Variants in FOXP2 observed in about 807,000 individuals in gnomAD.
FOXP2 encodes the protein forkhead box protein P2.
In FOXP2, 12 loss-of-function variants were observed where a neutral mutation model predicts 115.8. The ratio of observed to expected loss-of-function variants is 0.10; its 90% CI spans 0.07 to 0.17. The LOEUF (loss-of-function observed/expected upper bound fraction) is 0.17. FOXP2 is among the 10% of genes least tolerant of loss of function. FOXP2 has a pLI of 1.00. For missense variants in FOXP2, 629 were observed against 843.5 expected (o/e 0.75, Z 3.15); for synonymous variants, 328 against 297.7 (o/e 1.10, Z -1.05).
chr7:114,646,060 T>TAAAAAAAAAA (rs57137258), intron 8 of FOXP2, among the ~76,000 whole-genome samples: 17 of 85,648 alleles, frequency 2.0e-4, no homozygotes, highest in African/African-American at 6.0e-4. Context: ...TTTTCTTCTC[T>TAAAAAAAAAA]AAAAAAAAAA....
intron 3 of FOXP2, among the ~76,000 whole-genome samples, chr7:114,575,351 G>T (rs558169044): frequency 6.6e-6 from 1 of 151,876 alleles, no homozygotes; most frequent in East Asian, 1.9e-4. Flanking sequence ...ATATACTCTT[G>T]CTTGGATGAA....
chr7:114,447,319 G>C (rs144927878), intron 2 of FOXP2, among the ~76,000 whole-genome samples: 18 of 151,812 alleles, frequency 1.2e-4, no homozygotes, highest in Non-Finnish European at 2.4e-4. Context: ...ATCCAAATTT[G>C]GGCATGTCAT....
At chr7:114,536,002 G>T (rs963397644) in intron 3 of FOXP2, among the ~76,000 whole-genome samples, 7 of 151,506 alleles carry the variant, frequency 4.6e-5, no homozygotes, top group African/African-American at 1.5e-4. Flanking sequence ...TATAATGGGA[G>T]CGTAGGTGTA....
At chr7:114,564,099 A>G (rs1245641883) in intron 3 of FOXP2, among the ~76,000 whole-genome samples, 1 of 152,090 alleles carries the variant, frequency 6.6e-6, no homozygotes, top group African/African-American at 2.4e-5. Flanking sequence ...AAAAAACACT[A>G]CTAATTCCTG....
chr7:114,209,693 G>A (rs1794294024), intron 1 of FOXP2, among the ~76,000 whole-genome samples: 1 of 152,164 alleles, frequency 6.6e-6, no homozygotes, highest in African/African-American at 2.4e-5. Context: ...ATGTTGGCCT[G>A]TCTTGTTAGG....
chr7:114,089,574 G>T (rs1480475659), intron 1 of FOXP2, among the ~76,000 whole-genome samples: 3 of 151,802 alleles, frequency 2.0e-5, no homozygotes, highest in African/African-American at 7.3e-5. Context: ...GATATGAAGA[G>T]ATTTATGAAA....
chr7:114,155,395 T>C (rs1420859140), intron 1 of FOXP2, among the ~76,000 whole-genome samples: 1 of 152,134 alleles, frequency 6.6e-6, no homozygotes, highest in Non-Finnish European at 1.5e-5. Context: ...AATTCCAACG[T>C]GACTCTAGTA....
chr7:114,141,542 C>T (rs751975864), intron 1 of FOXP2, among the ~76,000 whole-genome samples: 3 of 152,184 alleles, frequency 2.0e-5, no homozygotes, highest in Non-Finnish European at 2.9e-5. Context: ...GCTGATGAGT[C>T]ACAGTAAGTT....
chr7:114,100,312 A>C (rs985546294), intron 1 of FOXP2, among the ~76,000 whole-genome samples: 1 of 152,134 alleles, frequency 6.6e-6, no homozygotes, highest in African/African-American at 2.4e-5. Context: ...GTTTGCTAAA[A>C]ATCCATATTT....
chr7:114,539,096 A>C (rs541889839), intron 3 of FOXP2, among the ~76,000 whole-genome samples: 1 of 152,030 alleles, frequency 6.6e-6, no homozygotes, highest in Admixed American at 6.6e-5. Flanking sequence ...CAAATTGTTA[A>C]AAATAACAAA....
intron 1 of FOXP2, among the ~76,000 whole-genome samples, chr7:114,234,839 G>A (rs563065954): frequency 6.6e-6 from 1 of 152,136 alleles, no homozygotes; most frequent in South Asian, 2.1e-4. Flanking sequence ...TAGATCATAT[G>A]TCTCTACCTA....
chr7:114,651,489 C>G (rs1005181777), intron 8 of FOXP2, among the ~76,000 whole-genome samples: 3 of 152,044 alleles, frequency 2.0e-5, no homozygotes, highest in Admixed American at 6.6e-5. Context: ...AAAGAGATCT[C>G]TTTAAACATC....
chr7:114,462,160 A>G (rs1172351827), intron 2 of FOXP2, among the ~76,000 whole-genome samples: 2 of 148,790 alleles, frequency 1.3e-5, no homozygotes, highest in Non-Finnish European at 1.5e-5. Context: ...ACGTGCCTGT[A>G]GTCCCAGCTA....
chr7:114,444,137 C>T (rs1318869000), intron 2 of FOXP2, among the ~76,000 whole-genome samples: 1 of 152,072 alleles, frequency 6.6e-6, no homozygotes, highest in Non-Finnish European at 1.5e-5. Flanking sequence ...CTCAAAAGAA[C>T]CTAGTGTCAC....
intron 3 of FOXP2, among the ~76,000 whole-genome samples, chr7:114,584,884 T>A (rs1802054166): frequency 6.6e-6 from 1 of 152,204 alleles, no homozygotes; most frequent in African/African-American, 2.4e-5. Context: ...CATTTTCCCA[T>A]GCTACATAAT....
intron 1 of FOXP2, among the ~76,000 whole-genome samples, chr7:114,233,242 G>A (rs1584563983): frequency 6.6e-6 from 1 of 152,110 alleles, no homozygotes; most frequent in Non-Finnish European, 1.5e-5. Context: ...ATTTTTACAT[G>A]TACAAAAGGA....
At chr7:114,395,263 C>T (rs1453997768) in intron 2 of FOXP2, among the ~76,000 whole-genome samples, 1 of 152,126 alleles carries the variant, frequency 6.6e-6, no homozygotes, top group Non-Finnish European at 1.5e-5. Context: ...TATACTAATG[C>T]TTGAGTGGGT....
At chr7:114,628,707 A>T in intron 4 of FOXP2, 30 bp downstream of exon 4, 1 of 1,613,694 alleles carries the variant, frequency 6.2e-7, no homozygotes, top group Non-Finnish European at 8.5e-7. Flanking sequence ...TTGGTGTTCT[A>T]GCATGACTTA....
intron 8 of FOXP2, among the ~76,000 whole-genome samples, chr7:114,651,904 G>T (rs1409899379): frequency 1.3e-5 from 2 of 152,042 alleles, no homozygotes; most frequent in African/African-American, 2.4e-5. Context: ...TAAAAAAATG[G>T]CATAAATAAT....
Sources: gnomAD v4.1 joint callset for allele counts (sites outside exome capture counted in the v4.1 genomes callset) on GRCh38, gnomAD v4.1.1 for gene constraint, MANE v1.5 for transcripts, NCBI Gene and HGNC (gene_info 2026-07-23, HGNC 2026-07-21) for gene names.